COL22A1: variants seen among roughly 807,000 people sequenced by gnomAD.
The protein encoded by COL22A1 is collagen type XXII alpha 1 chain, also known as collagen alpha-1(XXII) chain.
Under a neutral mutation model 248.9 loss-of-function variants are expected in COL22A1, and 221 were observed. The ratio of observed to expected loss-of-function variants is 0.89; its 90% CI spans 0.80 to 0.99. The LOEUF is 0.99. Among genes scored for constraint, COL22A1 ranks in the 50% least tolerant of loss-of-function variants. The pLI, the probability that COL22A1 is intolerant of heterozygous loss-of-function variation, is 0.00. For synonymous variants in COL22A1, 891 were observed against 793.4 expected (o/e 1.12, Z -2.07); for missense variants, 2,240 against 2,179.0 (o/e 1.03, Z -0.56).
At chr8:138,856,041 G>A (rs1186482231) in intron 3 of COL22A1, among the ~76,000 whole-genome samples, 1 of 152,240 alleles carries the variant, frequency 6.6e-6, no homozygotes, top group South Asian at 2.1e-4. Context: ...AGTGGGGCTG[G>A]GGTGGGGGAC....
At chr8:138,695,382 T>C (rs1177828034) in intron 32 of COL22A1, among the ~76,000 whole-genome samples, 5 of 152,050 alleles carry the variant, frequency 3.3e-5, no homozygotes, top group Admixed American at 2.6e-4. Flanking sequence ...CTAGTAGAGA[T>C]GGGGTCTCAT....
intron 9 of COL22A1, among the ~76,000 whole-genome samples, chr8:138,810,100 T>C (rs1818081394): frequency 6.6e-6 from 1 of 151,936 alleles, no homozygotes; most frequent in Admixed American, 6.5e-5. Flanking sequence ...GAATAACTAT[T>C]GAATGGATGG....
At chr8:138,704,292 G>A (rs549547748) in intron 30 of COL22A1, among the ~76,000 whole-genome samples, 83 of 152,286 alleles carry the variant, frequency 5.5e-4, no homozygotes, top group Non-Finnish European at 4.9e-4. Context: ...CTCCCAGCAC[G>A]GAGTTTGAGA....
At chr8:138,595,472 AG>A (rs1817452601) in intron 62 of COL22A1, among the ~76,000 whole-genome samples, 1 of 111,326 alleles carries the variant, frequency 9.0e-6, no homozygotes, top group African/African-American at 3.5e-5. Flanking sequence ...TTCAGAAGGT[AG>A]AACTCAGAGA....
intron 18 of COL22A1, among the ~76,000 whole-genome samples, chr8:138,757,202 ATCCT>A (rs762434147): frequency 0.056 from 8,554 of 152,294 alleles, 330 homozygotes; most frequent in Non-Finnish European, 0.087. Context: ...CTTCACGAAC[ATCCT>A]TCAACATCTC....
intron 57 of COL22A1, among the ~76,000 whole-genome samples, chr8:138,607,375 C>A (rs971735125): frequency 1.3e-5 from 2 of 152,132 alleles, no homozygotes; most frequent in African/African-American, 4.8e-5. Context: ...CATTAAAGAA[C>A]CATCTTCCCC....
chr8:138,799,078 G>T lies in COL22A1; in HGVS notation c.1558-2221C>A, dbSNP rs546718598. On this transcript the variant is annotated intron_variant, in intron 11 of 64. Transcript: ENST00000303045. ...ATCATCTCTACTGATCTATCTTCAA[G>T]AATTCTGATCTTTCTTTTGAGCCCC... 2.6e-5 allele frequency among the ~76,000 whole-genome samples: 4 copies of T among 152,068 alleles called. No individual in the cohort carries two copies. In the South Asian group the frequency reaches 8.3e-4, roughly 32 times the overall value.
At chr8:138,719,628 C>T (rs974684668) in intron 27 of COL22A1, among the ~76,000 whole-genome samples, 1 of 152,150 alleles carries the variant, frequency 6.6e-6, no homozygotes, top group East Asian at 1.9e-4. Context: ...AACATAAGGG[C>T]CCGGGATGTG....
chr8:138,909,557 TA>T (rs1563914684), intron 1 of COL22A1, among the ~76,000 whole-genome samples: 1 of 151,810 alleles, frequency 6.6e-6, no homozygotes, highest in African/African-American at 2.4e-5. Flanking sequence ...CTGATTTTTT[TA>T]AAAAAACTTA....
At chr8:138,742,597 G>A (rs1586625757) in intron 22 of COL22A1, among the ~76,000 whole-genome samples, 1 of 152,144 alleles carries the variant, frequency 6.6e-6, no homozygotes, top group Non-Finnish European at 1.5e-5. Flanking sequence ...TGATGGTGAT[G>A]GTGATGGTGG....
intron 37 of COL22A1, among the ~76,000 whole-genome samples, chr8:138,687,312 A>G (rs1194727309): frequency 1.3e-5 from 2 of 152,378 alleles, no homozygotes; most frequent in Non-Finnish European, 2.9e-5. Context: ...GAGAGTCTTC[A>G]TAGATGTGTT....
At chr8:138,655,428 G>A (rs952079033) in intron 45 of COL22A1, among the ~76,000 whole-genome samples, 85 of 152,134 alleles carry the variant, frequency 5.6e-4, no homozygotes, top group African/African-American at 2.0e-3. Flanking sequence ...GCATGCCCAT[G>A]GCTCACTGCA....
At chr8:138,610,248 C>G (rs781547052) in intron 56 of COL22A1, among the ~76,000 whole-genome samples, 1 of 152,210 alleles carries the variant, frequency 6.6e-6, no homozygotes, top group Non-Finnish European at 1.5e-5. Context: ...ATGCACCACT[C>G]CACTGGTGCT....
intron 36 of COL22A1, among the ~76,000 whole-genome samples, chr8:138,690,450 T>C (rs10104531): frequency 0.63 from 95,715 of 152,046 alleles, 30,208 homozygotes; most frequent in East Asian, 0.8. Context: ...AAGATGGTCA[T>C]GTCAATTAAT....
intron 3 of COL22A1, among the ~76,000 whole-genome samples, chr8:138,844,892 G>C (rs57006894): frequency 6.7e-6 from 1 of 149,890 alleles, no homozygotes; most frequent in African/African-American, 2.5e-5. Context: ...GGAGCTTGCA[G>C]TGAGCTGAGA....
rs1008765009 is a variant in COL22A1, at chr8:138,779,550, C to G, written c.1663G>C (p.Glu555Gln). 2 of 1,613,108 alleles carry G rather than the reference C, an allele frequency of 1.2e-6. No individual in the cohort carries two copies. Among genetic ancestry groups the G allele is most frequent in the African/African-American group, 2.7e-5 (2 of 74,908 alleles). The change falls in exon 14 of 65, where the codon GAG becomes CAG. Residue 555 changes from glutamate (E) to glutamine (Q), a missense_variant. Coordinates refer to ENST00000303045, the MANE Select transcript of COL22A1 (RefSeq NM_152888.3). ...CCCGGCAGCCCCGGCTCTCCCAGCT[C>G]TCCTGGCTCCCCCTGAACAAACAAA... ...GSKGMRGEPG[E>Q]LGEPGLPGEV...
intron 25 of COL22A1, among the ~76,000 whole-genome samples, chr8:138,722,442 T>C (rs1829943791): frequency 6.6e-6 from 1 of 152,168 alleles, no homozygotes; most frequent in African/African-American, 2.4e-5. Context: ...TCCACACTGC[T>C]CCTCCTCTCT....
chr8:138,705,426 G>A lies in COL22A1; in HGVS notation c.2518-2079C>T, dbSNP rs201419902. On this transcript the variant is annotated intron_variant, in intron 30 of 64. Transcript: ENST00000303045. ...AAGGGAAGCTCATCAGACTAACAGC[G>A]GATCTCTCAGCAGAAACTCTACAAG... Among the ~76,000 whole-genome samples, 369 of 152,282 alleles carry A rather than the reference G, an allele frequency of 2.4e-3. 3 individuals are homozygous for A. Among genetic ancestry groups the A allele is most frequent in the African/African-American group, 8.4e-3 (351 of 41,560 alleles).
At chr8:138,795,268 A>G (rs529056385) in intron 12 of COL22A1, among the ~76,000 whole-genome samples, 46 of 152,284 alleles carry the variant, frequency 3.0e-4, no homozygotes, top group African/African-American at 9.1e-4. Flanking sequence ...GACATGAACT[A>G]CATCTGCCTG....
Sources: allele counts gnomAD v4.1 joint callset (sites outside exome capture counted in the v4.1 genomes callset), GRCh38; gene constraint gnomAD v4.1.1; transcripts MANE v1.5; gene names NCBI Gene and HGNC (gene_info 2026-07-23, HGNC 2026-07-21).